The following CYFIP2 variants were observed in gnomAD, a reference collection of about 807,000 sequenced individuals.
CYFIP2 encodes cytoplasmic FMR1-interacting protein 2.
A neutral mutation model predicts 158.7 loss-of-function variants in CYFIP2; 29 were observed. The observed-to-expected ratio is 0.18, with a 90% CI of 0.14 to 0.25. The LOEUF (loss-of-function observed/expected upper bound fraction) is 0.25. Among genes scored for constraint, CYFIP2 ranks in the 10% least tolerant of loss-of-function variants. The pLI, the probability that CYFIP2 is intolerant of heterozygous loss-of-function variation, is 1.00. For missense variants in CYFIP2, 852 were observed against 1,639.5 expected, an observed-to-expected ratio of 0.52 and a Z score of 8.29; for synonymous variants, 585 against 617.6, an observed-to-expected ratio of 0.95 and a Z score of 0.78.
At chr5:157,382,191 C>A (rs1766196768) in intron 26 of CYFIP2, among the ~76,000 whole-genome samples, 1 of 152,198 alleles carries the variant, frequency 6.6e-6, no homozygotes, top group South Asian at 2.1e-4. Context: ...ACCTAGCCAC[C>A]TGCCTTGAGC....
At chr5:157,300,368 C>T (rs1425163911) in intron 5 of CYFIP2, among the ~76,000 whole-genome samples, 4 of 151,880 alleles carry the variant, frequency 2.6e-5, no homozygotes, top group Non-Finnish European at 5.9e-5. Context: ...AACCCCGTCT[C>T]TACTAAAAAT....
At chr5:157,356,818 G>A (rs968546420) in intron 23 of CYFIP2, among the ~76,000 whole-genome samples, 5 of 152,182 alleles carry the variant, frequency 3.3e-5, no homozygotes, top group East Asian at 1.9e-4. Context: ...AGGGTGGCCT[G>A]TGACAGAGGC....
chr5:157,293,077 A>G (rs925584100), intron 3 of CYFIP2, among the ~76,000 whole-genome samples: 1 of 151,576 alleles, frequency 6.6e-6, no homozygotes, highest in Non-Finnish European at 1.5e-5. Context: ...TGTGTTTGAG[A>G]TGGAGTCTTG....
chr5:157,266,525 AG>A lies in CYFIP2; in HGVS notation c.-24+333del, dbSNP rs555472896. ...CCCGGGAGGAGGCGGTGCTAATCTC[AG>A]GGACCGGAGACACCTGCAGCGGCCG... On this transcript the variant is annotated intron_variant, in intron 1 of 30. Coordinates refer to ENST00000620254, the MANE Select transcript of CYFIP2 (RefSeq NM_001037333.3). This position sits in a 1 kb window ranked among gnomAD's most constrained non-coding sequence, Gnocchi z 4.2. 1.3e-5 allele frequency: 2 copies of A among 152,250 alleles called. No homozygotes were observed. Among genetic ancestry groups the A allele is most frequent in the African/African-American group, 4.8e-5 (2 of 41,532 alleles). The allele number at this position is 152,250 out of a possible 1,614,324, so 9.4% of individuals were successfully genotyped here. A position where few individuals can be genotyped will look rare whatever the true frequency, so the allele number is the denominator to read the frequency against.
rs368561224 is a variant in CYFIP2, at chr5:157,343,377, C to G, written c.2673+2220C>G. The G allele has an allele frequency of 9.9e-6, 16 of 1,614,060 alleles. No individual in the cohort carries two copies. In the East Asian group the frequency reaches 3.6e-4, roughly 36 times the overall value. ...ACCACGGAGCTGATCGTTCGAGGCA[C>G]CTTCTCCTCGTGGTGGAAGCTGTAG... On this transcript the variant is annotated intron_variant, in intron 23 of 30. Coordinates refer to ENST00000620254, the MANE Select transcript of CYFIP2 (RefSeq NM_001037333.3).
At chr5:157,271,736 C>A (rs1192136429) in intron 1 of CYFIP2, among the ~76,000 whole-genome samples, 1 of 152,128 alleles carries the variant, frequency 6.6e-6, no homozygotes, top group Non-Finnish European at 1.5e-5. Flanking sequence ...GATTTGGGGG[C>A]CTTTGTCTTC....
chr5:157,341,003 A>T (rs1762210251), intron 22 of CYFIP2, 67 bp from the exon 23 acceptor site: 3 of 1,469,226 alleles, frequency 2.0e-6, no homozygotes, highest in Admixed American at 3.4e-5. Flanking sequence ...CACTCCTGTT[A>T]TCTGTGTCCC....
chr5:157,384,665 C>G (rs112263751), intron 28 of CYFIP2: 34,644 of 377,646 alleles, frequency 0.092, 1,916 homozygotes, highest in African/African-American at 0.15. Context: ...TGGGGCCGGG[C>G]GCGGTGGCTC....
chr5:157,344,612 C>T (rs1158094844), intron 23 of CYFIP2, among the ~76,000 whole-genome samples: 1 of 152,226 alleles, frequency 6.6e-6, no homozygotes, highest in African/African-American at 2.4e-5. Context: ...TAGTTTCTCT[C>T]ATGCAGTTCC....
intron 19 of CYFIP2, among the ~76,000 whole-genome samples, chr5:157,328,745 C>G (rs1486737988): frequency 6.6e-6 from 1 of 152,194 alleles, no homozygotes; most frequent in East Asian, 1.9e-4. Context: ...TGAAAGTTTA[C>G]TCTCTTAAAA....
At chr5:157,384,376 T>C (rs1445900376) in intron 28 of CYFIP2, 2 of 456,710 alleles carry the variant, frequency 4.4e-6, no homozygotes, top group Non-Finnish European at 8.8e-6. Flanking sequence ...GGTATTCTAG[T>C]GAGACAAGCC....
At chr5:157,304,215 C>T in intron 7 of CYFIP2, 23 bp from the exon 8 acceptor site, 1 of 1,607,540 alleles carries the variant, frequency 6.2e-7, no homozygotes, top group Non-Finnish European at 8.5e-7. Flanking sequence ...GCTGCCTAAC[C>T]TGAGGGTGGC....
At chr5:157,372,807 G>C (rs543534957) in intron 26 of CYFIP2, among the ~76,000 whole-genome samples, 2 of 152,272 alleles carry the variant, frequency 1.3e-5, no homozygotes, top group African/African-American at 4.8e-5. Context: ...GCCAGTGAGA[G>C]ACCCTTAGAG....
At chr5:157,290,506 C>A (rs1008614330) in intron 3 of CYFIP2, among the ~76,000 whole-genome samples, 3 of 152,162 alleles carry the variant, frequency 2.0e-5, no homozygotes, top group African/African-American at 7.2e-5. Context: ...AGAACAACCA[C>A]CACCACCCGC....
intron 27 of CYFIP2, 118 bp from the exon 28 acceptor site, chr5:157,383,147 C>A: frequency 1.2e-6 from 1 of 834,484 alleles, no homozygotes; most frequent in South Asian, 1.5e-5. Context: ...AGCAGTTCCA[C>A]ACACTCCATC....
intron 30 of CYFIP2, 125 bp downstream of exon 30, chr5:157,390,793 A>G (rs1367846666): frequency 6.9e-7 from 1 of 1,449,622 alleles, no homozygotes; most frequent in Non-Finnish European, 9.3e-7. Context: ...GTACAAAGAT[A>G]CTATAGGCTG....
At position 157,327,033 on chromosome 5, in the gene CYFIP2, C is replaced by T. The variant is rs186833237; in HGVS notation, c.2079+766C>T. On this transcript the variant is annotated intron_variant, in intron 18 of 30. Coordinates refer to ENST00000620254, the MANE Select transcript of CYFIP2 (RefSeq NM_001037333.3). ...ATCTGACAGTAAATAGGATCTGTTT[C>T]CTTTGACTCTTACCTAGCTACTGCC... Among the ~76,000 whole-genome samples the T allele has an allele frequency of 1.3e-4, 20 of 152,250 alleles. No individual in the cohort carries two copies. The East Asian group carries it at 3.7e-3, about 28-fold the overall frequency.
intron 23 of CYFIP2, 79 bp from the exon 24 acceptor site, chr5:157,358,926 T>TCAGCAGAACATCTGC (rs1763606943): frequency 1.3e-6 from 2 of 1,575,664 alleles, no homozygotes; most frequent in Middle Eastern, 2.0e-4. Context: ...AATGCTTCTG[T>TCAGCAGAACATCTGC]CAGCAGAACA....
In CYFIP2 at chr5:157,383,634, A is replaced by T. The variant is rs1399123777; in HGVS notation, c.3207+275A>T. On this transcript the variant is annotated intron_variant, in intron 28 of 30. Coordinates refer to ENST00000620254, the MANE Select transcript of CYFIP2 (RefSeq NM_001037333.3). ...CAAGTATCTACTGTGTCCCTGGTAGATATCAAGAATCTGTTACTTTGCCTC... is the reference window on the plus strand; with the variant it reads ...CAAGTATCTACTGTGTCCCTGGTAGTTATCAAGAATCTGTTACTTTGCCTC... The T allele has an allele frequency of 1.1e-5, 3 of 284,256 alleles. No individual in the cohort carries two copies. The Admixed American group carries it at 1.4e-4, about 13-fold the overall frequency. 17.6% of individuals were successfully genotyped at this position (284,256 alleles called of 1,614,324 possible).
Sources: allele counts gnomAD v4.1 joint callset (sites outside exome capture counted in the v4.1 genomes callset), GRCh38; gene constraint gnomAD v4.1.1; non-coding constraint Gnocchi (gnomAD v3.1); transcripts MANE v1.5; gene names NCBI Gene and HGNC (gene_info 2026-07-23, HGNC 2026-07-21).